The following FAM177A1 variants were observed in gnomAD, a reference collection of about 807,000 sequenced individuals.
FAM177A1 encodes family with sequence similarity 177 member A1.
FAM177A1 carries 22 observed loss-of-function variants against 26.1 expected under a neutral mutation model. The ratio of observed to expected loss-of-function variants is 0.84; its 90% CI spans 0.60 to 1.20. The LOEUF is 1.20. Ranked by LOEUF, FAM177A1 falls within the 50% of genes most tolerant of loss-of-function variation. FAM177A1 has a pLI of 0.00. For missense variants in FAM177A1, 296 were observed against 291.1 expected, an observed-to-expected ratio of 1.02 and a Z score of -0.12; for synonymous variants, 95 against 99.3, an observed-to-expected ratio of 0.96 and a Z score of 0.26.
chr14:35,065,761 G>A (rs1056246801), intron 2 of FAM177A1, among the ~76,000 whole-genome samples: 7 of 146,606 alleles, frequency 4.8e-5, no homozygotes, highest in African/African-American at 1.8e-4. Flanking sequence ...GTACGACCTC[G>A]GCTCACTGCA....
rs1251707024 is a variant in FAM177A1, at chr14:35,048,718, G to T, written c.165+2090G>T. 2.0e-5 allele frequency among the ~76,000 whole-genome samples: 3 copies of T among 152,060 alleles called. No individual in the cohort carries two copies. In the East Asian group the frequency reaches 5.8e-4, roughly 29 times the overall value. ...TTCTATGCCCAGGGGGTTGAGCACA[G>T]TAACAGGGAAGTGGACATCTCAGGA... On this transcript the variant is annotated intron_variant, in intron 1 of 4. Coordinates refer to ENST00000280987, the MANE Select transcript of FAM177A1 (RefSeq NM_173607.5).
chr14:35,054,342 G>A (rs72680650), intron 2 of FAM177A1, among the ~76,000 whole-genome samples: 51,923 of 151,958 alleles, frequency 0.34, 9,023 homozygotes, highest in East Asian at 0.41. Flanking sequence ...AGATGTGACT[G>A]TACAATTATG....
intron 2 of FAM177A1, among the ~76,000 whole-genome samples, chr14:35,071,322 A>G (rs1292722639): frequency 6.6e-6 from 1 of 152,202 alleles, no homozygotes; most frequent in Non-Finnish European, 1.5e-5. Flanking sequence ...AGTGTTCTAC[A>G]ACAAATAAAT....
chr14:35,065,195 G>A (rs994235661), intron 2 of FAM177A1, among the ~76,000 whole-genome samples: 14 of 148,224 alleles, frequency 9.4e-5, no homozygotes, highest in African/African-American at 3.2e-4. Context: ...TTTTTGAGAC[G>A]GAGTCTCTCT....
intron 1 of FAM177A1, among the ~76,000 whole-genome samples, chr14:35,052,434 C>T (rs2044987959): frequency 6.6e-6 from 1 of 151,888 alleles, no homozygotes. Context: ...TGGTCTCGAT[C>T]TCCTGACCTT....
At chr14:35,080,727 G>A (rs2045468024) in intron 4 of FAM177A1, among the ~76,000 whole-genome samples, 1 of 152,088 alleles carries the variant, frequency 6.6e-6, no homozygotes, top group South Asian at 2.1e-4. Flanking sequence ...CTTGAGCCTG[G>A]GAGATGGAGG....
At chr14:35,076,453 G>T (rs1289963196) in intron 2 of FAM177A1, among the ~76,000 whole-genome samples, 1 of 151,748 alleles carries the variant, frequency 6.6e-6, no homozygotes, top group East Asian at 1.9e-4. Flanking sequence ...GGGGTGGGGG[G>T]AGCGGGGAGG....
intron 2 of FAM177A1, among the ~76,000 whole-genome samples, chr14:35,073,057 G>C (rs566017787): frequency 5.1e-4 from 77 of 150,320 alleles, no homozygotes; most frequent in African/African-American, 1.8e-3. Context: ...TTCTTTATCA[G>C]GGTTCTCTTC....
intron 1 of FAM177A1, among the ~76,000 whole-genome samples, chr14:35,051,267 G>A (rs1281310347): frequency 3.3e-5 from 5 of 151,894 alleles, no homozygotes; most frequent in South Asian, 2.1e-4. Context: ...CTACAGGTGC[G>A]TGCCACCACG....
chr14:35,060,783 TA>T (rs1166468857), intron 2 of FAM177A1, among the ~76,000 whole-genome samples: 1 of 152,192 alleles, frequency 6.6e-6, no homozygotes, highest in Non-Finnish European at 1.5e-5. Context: ...TTTTTGTGGT[TA>T]CCCATGGTCA....
chr14:35,076,456 C>G (rs1225542249), intron 2 of FAM177A1, among the ~76,000 whole-genome samples: 38 of 147,240 alleles, frequency 2.6e-4, no homozygotes, highest in Non-Finnish European at 3.3e-4. Flanking sequence ...GTGGGGGGAG[C>G]GGGGAGGGAT....
At chr14:35,059,061 G>A (rs1091349) in intron 2 of FAM177A1, among the ~76,000 whole-genome samples, 4 of 151,580 alleles carry the variant, frequency 2.6e-5, no homozygotes, top group Non-Finnish European at 4.4e-5. Context: ...TCAGCCTCCC[G>A]AGTAGCTGGG....
chr14:35,079,041 C>A lies in FAM177A1; in HGVS notation c.504+17C>A. On this transcript the variant is annotated intron_variant, in intron 4 of 4. Transcript: ENST00000280987. ...AAGAAGGAGGTATGCCTCCTTTTTA[C>A]ATTTTCTTGATTCAGTTTGGTTTGC... 1 of 1,542,966 alleles carries A rather than the reference C, an allele frequency of 6.5e-7. No homozygotes were observed. Among genetic ancestry groups the A allele is most frequent in the Non-Finnish European group, 8.7e-7 (1 of 1,153,226 alleles).
intron 2 of FAM177A1, among the ~76,000 whole-genome samples, chr14:35,064,606 GAAT>G (rs1363722692): frequency 6.6e-6 from 1 of 152,048 alleles, no homozygotes; most frequent in African/African-American, 2.4e-5. Context: ...AACCGAGATA[GAAT>G]AATAATTACT....
intron 2 of FAM177A1, among the ~76,000 whole-genome samples, chr14:35,071,164 T>C (rs1238220668): frequency 1.3e-5 from 2 of 151,866 alleles, no homozygotes; most frequent in South Asian, 2.1e-4. Flanking sequence ...GCCCGGCTGA[T>C]TTTTTGTATT....
At chr14:35,046,923 C>T (rs2044876969) in intron 1 of FAM177A1, 2 of 1,195,148 alleles carry the variant, frequency 1.7e-6, no homozygotes, top group Non-Finnish European at 1.0e-6. Flanking sequence ...GCGTGTCCCC[C>T]AAAGGCTGTC....
intron 1 of FAM177A1, chr14:35,047,037 A>G (rs1038619153): frequency 2.6e-5 from 26 of 1,001,016 alleles, no homozygotes; most frequent in Non-Finnish European, 3.1e-5. Flanking sequence ...GCATATGCCA[A>G]ACGTTTACCA....
intron 2 of FAM177A1, among the ~76,000 whole-genome samples, chr14:35,063,927 A>G (rs571678716): frequency 1.3e-5 from 2 of 151,670 alleles, no homozygotes; most frequent in East Asian, 3.9e-4. Flanking sequence ...ACAAGCCTGT[A>G]ATCCCAGCTA....
At position 35,046,483 on chromosome 14, in the gene FAM177A1, C is replaced by G; in HGVS notation, c.20C>G (p.Ala7Gly). Residue 7 changes from alanine (A) to glycine (G), a missense_variant, in exon 1 of 5, where the codon GCC (alanine) becomes GGC (glycine). By Grantham distance (60) the Ala-to-Gly change is moderately conservative. Transcript: ENST00000280987. ...CCAAGGATGGAAGTGGGCTTACCGG[C>G]CATTACCCTCTTTCTCACCAGCGCC... MEVGLP[A>G]ITLFLTSASS... 1 of 1,597,668 alleles carries G rather than the reference C, an allele frequency of 6.3e-7. No homozygotes were observed. The highest frequency in any genetic ancestry group is 1.1e-5 in the South Asian group (1 of 88,590).
Sources: allele counts gnomAD v4.1 joint callset (sites outside exome capture counted in the v4.1 genomes callset), GRCh38; gene constraint gnomAD v4.1.1; transcripts MANE v1.5; gene names NCBI Gene and HGNC (gene_info 2026-07-23, HGNC 2026-07-21).